EHBP1: variants seen among roughly 807,000 people sequenced by gnomAD.
EHBP1 encodes the protein EH domain binding protein 1.
A neutral mutation model predicts 144.0 loss-of-function variants in EHBP1; 55 were observed. The observed-to-expected ratio is 0.38, with a 90% confidence interval of 0.31 to 0.48. The LOEUF is 0.48. Ranked by LOEUF, EHBP1 falls within the 20% of genes least tolerant of loss-of-function variation. EHBP1 has a pLI of 0.98. For synonymous variants in EHBP1, 469 were observed against 472.7 expected, an observed-to-expected ratio of 0.99 and a Z score of 0.10; for missense variants, 1,200 against 1,364.2, an observed-to-expected ratio of 0.88 and a Z score of 1.90.
chr2:62,882,555 G>A (rs2051536498), intron 10 of EHBP1, among the ~76,000 whole-genome samples: 2 of 152,196 alleles, frequency 1.3e-5, no homozygotes, highest in African/African-American at 2.4e-5. Context: ...TCAGGAGTTT[G>A]GAGCTAATTA....
intron 1 of EHBP1, among the ~76,000 whole-genome samples, chr2:62,678,204 C>T (rs7590973): frequency 0.8 from 122,107 of 152,200 alleles, 49,214 homozygotes; most frequent in East Asian, 0.91. Flanking sequence ...TATCTCACTG[C>T]AGTTTTGATT....
intron 12 of EHBP1, 120 bp downstream of exon 12, chr2:62,943,970 G>GTAGTTA: frequency 1.6e-6 from 1 of 633,904 alleles, no homozygotes; most frequent in Non-Finnish European, 2.7e-6. Flanking sequence ...ACAGAGGGTT[G>GTAGTTA]TCTGCTTACT....
upstream of EHBP1, among the ~76,000 whole-genome samples, chr2:62,701,584 C>T (rs551157603): frequency 8.7e-4 from 133 of 152,128 alleles, no homozygotes; most frequent in African/African-American, 2.4e-3. Context: ...GAGCAAAGAC[C>T]GGCCTAAATG....
chr2:62,947,888 C>T (rs1298479369), intron 12 of EHBP1, among the ~76,000 whole-genome samples: 1 of 152,070 alleles, frequency 6.6e-6, no homozygotes, highest in Admixed American at 6.5e-5. Flanking sequence ...CTTCACAAAT[C>T]ACTGCAATTA....
At chr2:63,009,810 T>C (rs953429877) in intron 19 of EHBP1, among the ~76,000 whole-genome samples, 3 of 151,616 alleles carry the variant, frequency 2.0e-5, no homozygotes, top group Non-Finnish European at 4.4e-5. Context: ...GTGGATTCTA[T>C]ACATACAATG....
intron 15 of EHBP1, among the ~76,000 whole-genome samples, chr2:62,985,814 CT>C (rs1429112227): frequency 1.3e-5 from 2 of 152,158 alleles, no homozygotes; most frequent in African/African-American, 4.8e-5. Context: ...AAAGAATAAT[CT>C]CTTTATCTTT....
At chr2:62,857,319 A>G (rs553895793) in intron 7 of EHBP1, among the ~76,000 whole-genome samples, 1 of 152,332 alleles carries the variant, frequency 6.6e-6, no homozygotes, top group East Asian at 1.9e-4. Flanking sequence ...TATAGATCGT[A>G]AATTCCACAA....
intron 7 of EHBP1, among the ~76,000 whole-genome samples, chr2:62,850,210 A>G (rs1167196825): frequency 1.3e-5 from 2 of 152,236 alleles, no homozygotes; most frequent in Non-Finnish European, 2.9e-5. Context: ...ATTTTAGACC[A>G]TCTTAAAATA....
chr2:62,923,409 C>T (rs1223117924), intron 10 of EHBP1, among the ~76,000 whole-genome samples: 1 of 152,150 alleles, frequency 6.6e-6, no homozygotes, highest in African/African-American at 2.4e-5. Flanking sequence ...GCTGGCAGAG[C>T]AGCTATGTGA....
At chr2:62,749,926 T>C (rs1282988537) in intron 3 of EHBP1, among the ~76,000 whole-genome samples, 2 of 152,230 alleles carry the variant, frequency 1.3e-5, no homozygotes, top group Non-Finnish European at 2.9e-5. Context: ...TCTTCCATTC[T>C]GTAGGTTGTC....
At chr2:62,811,983 A>G (rs1428512600) in intron 5 of EHBP1, among the ~76,000 whole-genome samples, 2 of 152,192 alleles carry the variant, frequency 1.3e-5, no homozygotes, top group African/African-American at 2.4e-5. Flanking sequence ...AGAGGTGATT[A>G]GATCATGAGG....
At chr2:62,887,710 G>A (rs1035110850) in intron 10 of EHBP1, among the ~76,000 whole-genome samples, 15 of 152,094 alleles carry the variant, frequency 9.9e-5, no homozygotes, top group African/African-American at 3.6e-4. Context: ...CCTTAGAGAT[G>A]CAGCAAGATC....
chr2:62,862,839 A>G (rs1277841904), intron 8 of EHBP1, among the ~76,000 whole-genome samples: 1 of 152,176 alleles, frequency 6.6e-6, no homozygotes, highest in Non-Finnish European at 1.5e-5. Flanking sequence ...CTACAATTTG[A>G]GAAAATATTT....
chr2:62,900,812 T>G (rs2053356618), intron 10 of EHBP1, among the ~76,000 whole-genome samples: 1 of 152,032 alleles, frequency 6.6e-6, no homozygotes, highest in Non-Finnish European at 1.5e-5. Flanking sequence ...TTGTTTATAT[T>G]TATACTCATA....
intron 1 of EHBP1, 187 bp downstream of exon 1, chr2:62,706,239 G>C (rs1487913979): frequency 6.5e-6 from 1 of 152,920 alleles, no homozygotes; most frequent in Non-Finnish European, 1.5e-5. Context: ...CTGAGGATGG[G>C]GGAGGGAGGC....
At chr2:62,852,693 A>G (rs1381378871) in intron 7 of EHBP1, among the ~76,000 whole-genome samples, 1 of 152,270 alleles carries the variant, frequency 6.6e-6, no homozygotes, top group African/African-American at 2.4e-5. Flanking sequence ...CCAACTAGTA[A>G]AGAATGAAAA....
In EHBP1 at chr2:62,803,794, A is replaced by G. The variant is rs954080817; in HGVS notation, c.313-22293A>G. On this transcript the variant is annotated intron_variant, in intron 5 of 22. Transcript: ENST00000431489. Reference sequence around the variant, plus strand: ...CAAGCTTTCAGTATTTATACGTTCAAATTTGTGTCTTTTATGCGGTACAGT... The same window carrying G: ...CAAGCTTTCAGTATTTATACGTTCAGATTTGTGTCTTTTATGCGGTACAGT... Among the ~76,000 whole-genome samples, 4 of 152,278 alleles carry G rather than the reference A, an allele frequency of 2.6e-5. No individual in the cohort carries two copies. The East Asian group carries it at 7.7e-4, about 29-fold the overall frequency.
At chr2:62,768,730 A>G (rs1558638128) in intron 4 of EHBP1, among the ~76,000 whole-genome samples, 1 of 152,220 alleles carries the variant, frequency 6.6e-6, no homozygotes, top group East Asian at 1.9e-4. Context: ...ACTTCAGGCC[A>G]ATATCCTTGA....
chr2:62,853,458 A>G (rs146171826), intron 7 of EHBP1, among the ~76,000 whole-genome samples: 9 of 152,246 alleles, frequency 5.9e-5, no homozygotes, highest in Non-Finnish European at 8.8e-5. Flanking sequence ...TTCTCTTGCT[A>G]TTTCCACCAC....
Sources: gnomAD v4.1 joint callset for allele counts (sites outside exome capture counted in the v4.1 genomes callset) on GRCh38, gnomAD v4.1.1 for gene constraint, MANE v1.5 for transcripts, NCBI Gene and HGNC (gene_info 2026-07-23, HGNC 2026-07-21) for gene names.